The following PFDN4 variants were observed in gnomAD, a reference collection of about 807,000 sequenced individuals.
PFDN4 encodes the protein prefoldin subunit 4, also known as prefoldin 4.
A neutral mutation model predicts 17.6 loss-of-function variants in PFDN4; 6 were observed. The observed-to-expected ratio is 0.34, with a 90% confidence interval of 0.19 to 0.67. PFDN4 has a LOEUF of 0.67. PFDN4 is among the 30% of genes least tolerant of loss of function. The pLI, the probability that PFDN4 is intolerant of heterozygous loss-of-function variation, is 0.68. For synonymous variants in PFDN4, 48 were observed against 51.1 expected, an observed-to-expected ratio of 0.94 and a Z score of 0.26; for missense variants, 119 against 158.4, an observed-to-expected ratio of 0.75 and a Z score of 1.33.
At chr20:54,217,571 C>T (rs1407621232) in intron 3 of PFDN4, among the ~76,000 whole-genome samples, 2 of 152,170 alleles carry the variant, frequency 1.3e-5, no homozygotes, top group Non-Finnish European at 1.5e-5. Flanking sequence ...AGTGAATCTG[C>T]GTGGCTGTCT....
chr20:54,210,660 A>G (rs1169531885), intron 1 of PFDN4, among the ~76,000 whole-genome samples: 1 of 152,190 alleles, frequency 6.6e-6, no homozygotes, highest in Non-Finnish European at 1.5e-5. Context: ...CTTTCCTCAG[A>G]GAGGCTACCT....
chr20:54,218,196 A>T (rs1234123939), intron 3 of PFDN4, among the ~76,000 whole-genome samples: 1 of 150,290 alleles, frequency 6.7e-6, no homozygotes, highest in Non-Finnish European at 1.5e-5. Context: ...TTTTTTTAAA[A>T]CAAAGAGTAT....
rs999419910 is a variant in PFDN4, at chr20:54,219,724, TG to T, written c.*575del. 7.5e-6 allele frequency: 3 copies of T among 397,702 alleles called. No individual in the cohort carries two copies. The highest frequency in any genetic ancestry group is 6.2e-5 in the African/African-American group (3 of 48,122). The allele number at this position is 397,702 out of a possible 1,614,324, so 24.6% of individuals were successfully genotyped here. On this transcript the variant is annotated 3_prime_UTR_variant, in exon 4 of 4. Transcript: ENST00000371419. ...TAAAAGAATGGGTAATGTTTAAACA[TG>T]TGGAGGCATGTGGAGCTTTATACAA... is the stretch of plus-strand genomic sequence containing the variant.
In PFDN4 at chr20:54,219,374, G is replaced by A; in HGVS notation, c.*224G>A. 3 of 382,898 alleles carry A rather than the reference G, an allele frequency of 7.8e-6. No individual in the cohort carries two copies. The highest frequency in any genetic ancestry group is 1.4e-5 in the Non-Finnish European group (3 of 219,284). 23.7% of individuals were successfully genotyped at this position (382,898 alleles called of 1,614,324 possible). On this transcript the variant is annotated 3_prime_UTR_variant, in exon 4 of 4. Coordinates refer to ENST00000371419, the MANE Select transcript of PFDN4 (RefSeq NM_002623.4). ...TTGCATAACGATTATATCAAGTCTAGGGGCTTCATGTCATGTTATTAAAAT... is the reference window on the plus strand; with the variant it reads ...TTGCATAACGATTATATCAAGTCTAAGGGCTTCATGTCATGTTATTAAAAT...
intron 3 of PFDN4, among the ~76,000 whole-genome samples, chr20:54,216,743 G>A (rs2092763037): frequency 6.6e-6 from 1 of 152,056 alleles, no homozygotes; most frequent in South Asian, 2.1e-4. Context: ...TGCAACGTCT[G>A]CCTCCTGGGT....
intron 3 of PFDN4, among the ~76,000 whole-genome samples, chr20:54,216,771 C>G (rs988809227): frequency 9.2e-5 from 14 of 152,150 alleles, no homozygotes; most frequent in African/African-American, 3.4e-4. Context: ...ATTCTCCTGC[C>G]TCAGCCTCCC....
At position 54,214,395 on chromosome 20, in the gene PFDN4, A is replaced by T; in HGVS notation, c.69A>T (p.Ile23=). 1 of 1,598,086 alleles carries T rather than the reference A, an allele frequency of 6.3e-7. No homozygotes were observed. The highest frequency in any genetic ancestry group is 8.6e-7 in the Non-Finnish European group (1 of 1,168,966). ...TTACTTTCGAAGATCAACAAAAGATAAACAAATTTGCACGGAATACAAGTA... is the reference window on the plus strand; with the variant it reads ...TTACTTTCGAAGATCAACAAAAGATTAACAAATTTGCACGGAATACAAGTA... ...VNVTFEDQQK[I]NKFARNTSRI... The change falls in exon 2 of 4, where the codon ATA becomes ATT. Residue 23 remains isoleucine, a synonymous_variant. Coordinates refer to ENST00000371419, the MANE Select transcript of PFDN4 (RefSeq NM_002623.4).
intron 3 of PFDN4, among the ~76,000 whole-genome samples, chr20:54,217,995 A>G (rs530123879): frequency 1.3e-5 from 2 of 152,278 alleles, no homozygotes; most frequent in South Asian, 2.1e-4. Context: ...TGTCCCTGAC[A>G]CTGGTCTCGG....
chr20:54,216,549 A>G (rs986814472), intron 3 of PFDN4, among the ~76,000 whole-genome samples: 2 of 152,164 alleles, frequency 1.3e-5, no homozygotes, highest in African/African-American at 4.8e-5. Context: ...TTTAAAAAAC[A>G]TTTTTATTGG....
intron 3 of PFDN4, among the ~76,000 whole-genome samples, chr20:54,216,423 G>A (rs1185459175): frequency 6.6e-6 from 1 of 152,164 alleles, no homozygotes; most frequent in Non-Finnish European, 1.5e-5. Context: ...TAAGTCTTCA[G>A]AAGAACTATC....
chr20:54,208,177 G>A (rs944463617), intron 1 of PFDN4, 53 bp downstream of exon 1: 20 of 1,479,112 alleles, frequency 1.4e-5, no homozygotes, highest in Non-Finnish European at 1.6e-5. Context: ...GATCTCGGCC[G>A]CTGGGGCCCG....
At chr20:54,215,961 G>A (rs1358717095) in intron 3 of PFDN4, among the ~76,000 whole-genome samples, 1 of 152,192 alleles carries the variant, frequency 6.6e-6, no homozygotes, top group Non-Finnish European at 1.5e-5. Context: ...CCTGCTCTGA[G>A]CCTGGCACAC....
chr20:54,218,102 G>C (rs776702971), intron 3 of PFDN4, among the ~76,000 whole-genome samples: 13 of 149,532 alleles, frequency 8.7e-5, no homozygotes, highest in Non-Finnish European at 1.8e-4. Context: ...TATTTGGTTT[G>C]TGTGATTTCA....
chr20:54,219,915 T>G lies in PFDN4; in HGVS notation c.*765T>G, dbSNP rs1479687958. On this transcript the variant is annotated 3_prime_UTR_variant, in exon 4 of 4. Coordinates refer to ENST00000371419, the MANE Select transcript of PFDN4 (RefSeq NM_002623.4). ...AGTTAAACAGCTATGTATGTAAAAG[T>G]AAGGCTTATTTCTTAAATAAAGGAT... 1 of 389,556 alleles carries G rather than the reference T, an allele frequency of 2.6e-6. No homozygotes were observed. The highest frequency in any genetic ancestry group is 4.5e-6 in the Non-Finnish European group (1 of 221,156). 24.1% of individuals were successfully genotyped at this position (389,556 alleles called of 1,614,324 possible).
At chr20:54,216,367 A>G (rs2092762429) in intron 3 of PFDN4, among the ~76,000 whole-genome samples, 1 of 152,190 alleles carries the variant, frequency 6.6e-6, no homozygotes, top group Non-Finnish European at 1.5e-5. Flanking sequence ...TCTCTCTTCA[A>G]ATGTCATAAA....
chr20:54,216,398 GA>G (rs748433357), intron 3 of PFDN4, among the ~76,000 whole-genome samples: 17 of 152,290 alleles, frequency 1.1e-4, no homozygotes, highest in Non-Finnish European at 2.4e-4. Flanking sequence ...TCGTATGAAT[GA>G]AACCCACATT....
chr20:54,219,129 C>A lies in PFDN4; in HGVS notation c.384C>A (p.Asn128Lys). 6.5e-7 allele frequency: 1 copy of A among 1,546,596 alleles called. No homozygotes were observed. Among genetic ancestry groups the A allele is most frequent in the Non-Finnish European group, 8.7e-7 (1 of 1,143,924 alleles). Residue 128 changes from asparagine (N) to lysine (K), a missense_variant, in exon 4 of 4, where the codon AAC (asparagine) becomes AAA (lysine). Asn to Lys is a moderately conservative substitution (Grantham distance 94). Transcript: ENST00000371419. ...ATGCAAAATTCGGGAGCAACATAAA[C>A]CTTGAAGCTGATGAAAGTTAAACAT... ...QLYAKFGSNINLEADES is the reference protein window; with the variant it reads ...QLYAKFGSNIKLEADES
chr20:54,218,664 T>C (rs973873228), intron 3 of PFDN4, among the ~76,000 whole-genome samples: 7 of 152,230 alleles, frequency 4.6e-5, no homozygotes, highest in Non-Finnish European at 8.8e-5. Flanking sequence ...CTCATAGTTA[T>C]TTTTGTTGTT....
intron 1 of PFDN4, chr20:54,208,330 C>G: frequency 2.2e-6 from 1 of 447,952 alleles, no homozygotes; most frequent in South Asian, 4.9e-5. Context: ...CCAGCCGAGG[C>G]GGGGCGCCGG....
Sources: gnomAD v4.1 joint callset for allele counts (sites outside exome capture counted in the v4.1 genomes callset) on GRCh38, gnomAD v4.1.1 for gene constraint, MANE v1.5 for transcripts, NCBI Gene and HGNC (gene_info 2026-07-23, HGNC 2026-07-21) for gene names.